The following ERBB4 variants were observed in gnomAD, a reference collection of about 807,000 sequenced individuals.
The protein encoded by ERBB4 is erb-b2 receptor tyrosine kinase 4.
In ERBB4, 42 loss-of-function variants were observed where a neutral mutation model predicts 158.0. That is an observed-to-expected ratio of 0.27 (90% CI 0.21 to 0.34). The LOEUF is 0.34. Among genes scored for constraint, ERBB4 ranks in the 10% least tolerant of loss-of-function variants. ERBB4 has a pLI of 1.00. For missense variants in ERBB4, 1,333 were observed against 1,624.1 expected, an observed-to-expected ratio of 0.82 and a Z score of 3.08; for synonymous variants, 583 against 558.7, an observed-to-expected ratio of 1.04 and a Z score of -0.61.
intron 26 of ERBB4, 33 bp downstream of exon 26, chr2:211,387,912 C>G: frequency 1.3e-6 from 2 of 1,554,506 alleles, no homozygotes; most frequent in East Asian, 2.2e-5. Flanking sequence ...ACCGAAAATC[C>G]TAAAAGATGA....
intron 20 of ERBB4, among the ~76,000 whole-genome samples, chr2:211,495,115 A>G (rs1455201044): frequency 6.6e-6 from 1 of 152,098 alleles, no homozygotes; most frequent in East Asian, 1.9e-4. Flanking sequence ...AAAAAAAAGT[A>G]TAACTTAAAT....
At chr2:212,303,290 C>T (rs1186870731) in intron 1 of ERBB4, among the ~76,000 whole-genome samples, 1 of 151,340 alleles carries the variant, frequency 6.6e-6, no homozygotes, top group African/African-American at 2.4e-5. Flanking sequence ...GGATTTCTCC[C>T]TATTTCACTT....
intron 4 of ERBB4, among the ~76,000 whole-genome samples, chr2:211,768,984 TAA>T (rs1431858917): frequency 6.6e-6 from 1 of 152,226 alleles, no homozygotes; most frequent in Non-Finnish European, 1.5e-5. Flanking sequence ...TTTTTAAACA[TAA>T]GTTCAAATTC....
intron 1 of ERBB4, among the ~76,000 whole-genome samples, chr2:212,210,556 A>C (rs2105925522): frequency 6.6e-6 from 1 of 152,250 alleles, no homozygotes; most frequent in Middle Eastern, 3.4e-3. Context: ...AGAGAAATAG[A>C]TGATCCAAAA....
At chr2:211,517,293 C>T (rs981405829) in intron 20 of ERBB4, among the ~76,000 whole-genome samples, 1 of 151,936 alleles carries the variant, frequency 6.6e-6, no homozygotes, top group Admixed American at 6.5e-5. Flanking sequence ...GATAATGATA[C>T]CTTCTCATTC....
At chr2:211,747,324 C>G (rs533375911) in intron 5 of ERBB4, among the ~76,000 whole-genome samples, 1 of 152,114 alleles carries the variant, frequency 6.6e-6, no homozygotes, top group Non-Finnish European at 1.5e-5. Context: ...CTCTACTTTA[C>G]CAGTGCCAGA....
At position 212,286,767 on chromosome 2, in the gene ERBB4, A is replaced by ATTTTTTTTTTTTTTTTTTTTTTTTT. The variant is rs748586400; in HGVS notation, c.83-161865_83-161864insAAAAAAAAAAAAAAAAAAAAAAAAA. Among the ~76,000 whole-genome samples the ATTTTTTTTTTTTTTTTTTTTTTTTT allele has an allele frequency of 5.1e-5, 2 of 39,560 alleles. 1 individual carries two copies. The highest frequency in any genetic ancestry group is 8.4e-5 in the Non-Finnish European group (2 of 23,858). 26.0% of individuals were successfully genotyped at this position (39,560 alleles called of 152,430 possible). A position where few individuals can be genotyped will look rare whatever the true frequency, so the allele number is the denominator to read the frequency against. On this transcript the variant is annotated intron_variant, in intron 1 of 27. Transcript: ENST00000342788. ...TAGGCGGGTGGCACCATGAGGGTTA[A>ATTTTTTTTTTTTTTTTTTTTTTTTT]TTTTTTTTTTTTTTTTTTTTTTTGT...
intron 19 of ERBB4, among the ~76,000 whole-genome samples, chr2:211,567,787 A>AT (rs11350799): frequency 0.05 from 7,004 of 140,756 alleles, 375 homozygotes; most frequent in African/African-American, 0.12. Flanking sequence ...TGTAGCTTGC[A>AT]TTTTTTTTTT....
chr2:211,896,530 T>C (rs1432674952), intron 3 of ERBB4, among the ~76,000 whole-genome samples: 1 of 152,158 alleles, frequency 6.6e-6, no homozygotes, highest in Non-Finnish European at 1.5e-5. Context: ...AGTAGGTTTC[T>C]AATGGATTTC....
At chr2:212,366,500 A>G (rs552980314) in intron 1 of ERBB4, among the ~76,000 whole-genome samples, 2 of 152,000 alleles carry the variant, frequency 1.3e-5, no homozygotes, top group African/African-American at 2.4e-5. Context: ...CATAAAACAC[A>G]TGAATTCAGG....
intron 2 of ERBB4, among the ~76,000 whole-genome samples, chr2:212,061,599 T>C (rs1401599327): frequency 6.6e-6 from 1 of 151,922 alleles, no homozygotes; most frequent in East Asian, 1.9e-4. Context: ...AAATTTGTCA[T>C]TGTGAAAACA....
chr2:211,622,323 T>C (rs767907609), intron 18 of ERBB4, among the ~76,000 whole-genome samples: 2 of 152,146 alleles, frequency 1.3e-5, no homozygotes, highest in Non-Finnish European at 2.9e-5. Flanking sequence ...AATCTGAAGA[T>C]GAGAAAAGGC....
Position 212,284,624 on chromosome 2 carries a change from T to C in ERBB4, c.83-159721A>G, listed in dbSNP as rs540430258. Among the ~76,000 whole-genome samples the C allele has an allele frequency of 3.2e-4, 48 of 152,258 alleles. 1 individual carries two copies. The South Asian group carries it at 5.8e-3, about 18-fold the overall frequency. ...AACTTAGCTCATGTTTTTGAAGTATTTGACAGACTATTTGAGTATCTTTTT... is the reference window on the plus strand; with the variant it reads ...AACTTAGCTCATGTTTTTGAAGTATCTGACAGACTATTTGAGTATCTTTTT... On this transcript the variant is annotated intron_variant, in intron 1 of 27. Coordinates refer to ENST00000342788, the MANE Select transcript of ERBB4 (RefSeq NM_005235.3).
chr2:211,850,880 A>T (rs1003561606), intron 3 of ERBB4, among the ~76,000 whole-genome samples: 2 of 152,008 alleles, frequency 1.3e-5, no homozygotes, highest in African/African-American at 4.8e-5. Flanking sequence ...TATCAATTAT[A>T]TTAAGACACT....
At chr2:212,534,716 G>A (rs1692947284) in intron 1 of ERBB4, among the ~76,000 whole-genome samples, 1 of 152,140 alleles carries the variant, frequency 6.6e-6, no homozygotes, top group South Asian at 2.1e-4. Flanking sequence ...AGAATCTATA[G>A]TAACAGAAAG....
intron 9 of ERBB4, among the ~76,000 whole-genome samples, chr2:211,707,163 C>T (rs773054220): frequency 1.3e-5 from 2 of 152,142 alleles, no homozygotes; most frequent in South Asian, 2.1e-4. Context: ...TTACTGAGAA[C>T]ACTTCCATGT....
At chr2:212,205,016 C>T (rs1351346766) in intron 1 of ERBB4, among the ~76,000 whole-genome samples, 2 of 151,596 alleles carry the variant, frequency 1.3e-5, no homozygotes, top group Non-Finnish European at 2.9e-5. Context: ...CTGGGTTTCT[C>T]CATATTGGCC....
intron 2 of ERBB4, among the ~76,000 whole-genome samples, chr2:211,985,667 AAT>A (rs1455007302): frequency 1.3e-5 from 2 of 151,916 alleles, no homozygotes; most frequent in African/African-American, 4.8e-5. Flanking sequence ...GGGAAAATAT[AAT>A]TTAATTTAAA....
rs145408880 is a variant in ERBB4 at position 211,834,649 on chromosome 2, T to C, written c.422-46490A>G. 3.5e-4 allele frequency among the ~76,000 whole-genome samples: 53 copies of C among 152,180 alleles called. No individual in the cohort carries two copies. The East Asian group carries it at 8.1e-3, about 23-fold the overall frequency. ...ATATTCCTGAAAGACTCAATAAATA[T>C]CGAATTTGATGTCATCAATATGGAA... On this transcript the variant is annotated intron_variant, in intron 3 of 27. Coordinates refer to ENST00000342788, the MANE Select transcript of ERBB4 (RefSeq NM_005235.3).
Sources: gnomAD v4.1 joint callset for allele counts (sites outside exome capture counted in the v4.1 genomes callset) on GRCh38, gnomAD v4.1.1 for gene constraint, MANE v1.5 for transcripts, NCBI Gene and HGNC (gene_info 2026-07-23, HGNC 2026-07-21) for gene names.